The following EEA1 variants were observed in gnomAD, a reference collection of about 807,000 sequenced individuals.
EEA1 encodes the protein early endosome antigen 1, 162kD.
Under a neutral mutation model 209.2 loss-of-function variants are expected in EEA1, and 111 were observed. The ratio of observed to expected loss-of-function variants is 0.53; its 90% confidence interval spans 0.45 to 0.62. EEA1 has a LOEUF of 0.62. EEA1 is among the 20% of genes least tolerant of loss of function. The pLI is 0.00. For synonymous variants in EEA1, 536 were observed against 540.6 expected (o/e 0.99, Z 0.12); for missense variants, 1,343 against 1,530.8 (o/e 0.88, Z 2.05).
chr12:92,799,123 T>G (rs1430456207), intron 20 of EEA1, 37 bp from the exon 21 acceptor site: 1 of 1,506,382 alleles, frequency 6.6e-7, no homozygotes, highest in East Asian at 2.3e-5. Context: ...CCTTCATTTG[T>G]TCATTCAAAA....
chr12:92,897,573 T>A (rs1273335126), intron 1 of EEA1, among the ~76,000 whole-genome samples: 1 of 152,218 alleles, frequency 6.6e-6, no homozygotes, highest in Non-Finnish European at 1.5e-5. Context: ...TGTACTTTCG[T>A]TTCCAATAAA....
At chr12:92,928,321 G>A (rs775689959) in intron 1 of EEA1, among the ~76,000 whole-genome samples, 1 of 152,192 alleles carries the variant, frequency 6.6e-6, no homozygotes, top group Non-Finnish European at 1.5e-5. Context: ...TTCAGAGACA[G>A]CACAGGCAGA....
In EEA1 at chr12:92,771,529, TA is replaced by T. The variant is rs1258965948; in HGVS notation, c.*4481del. ...GAGGACAGTAACTATTGTTAATAGC[TA>T]AGAATAAATGAGGTGGAGGGGAGAA... On this transcript the variant is annotated 3_prime_UTR_variant, in exon 29 of 29. Transcript: ENST00000322349. 3 of 151,914 alleles carry T rather than the reference TA, an allele frequency of 2.0e-5. No homozygotes were observed. The highest frequency in any genetic ancestry group is 7.3e-5 in the African/African-American group (3 of 41,374). The allele number at this position is 151,914 out of a possible 1,614,324, so 9.4% of individuals were successfully genotyped here.
chr12:92,809,734 T>G (rs1471454902), intron 17 of EEA1, among the ~76,000 whole-genome samples: 1 of 151,742 alleles, frequency 6.6e-6, no homozygotes, highest in Non-Finnish European at 1.5e-5. Flanking sequence ...ACAATCAACT[T>G]AAAAGAAACA....
chr12:92,823,695 C>T (rs981886487), intron 13 of EEA1, among the ~76,000 whole-genome samples: 11 of 152,136 alleles, frequency 7.2e-5, no homozygotes, highest in Non-Finnish European at 5.9e-5. Context: ...TTCTGTATTC[C>T]TCCCCAGGGA....
At chr12:92,825,964 A>C (rs1876277393) in intron 13 of EEA1, among the ~76,000 whole-genome samples, 1 of 151,466 alleles carries the variant, frequency 6.6e-6, no homozygotes, top group Non-Finnish European at 1.5e-5. Context: ...TTTTCAACAT[A>C]GTAATCAAAA....
Position 92,852,196 on chromosome 12 carries a change from A to T in EEA1, c.621T>A (p.Ile207=), listed in dbSNP as rs1348668044. The T allele has an allele frequency of 3.2e-6, 5 of 1,586,916 alleles. No homozygotes were observed. The highest frequency in any genetic ancestry group is 4.3e-6 in the Non-Finnish European group (5 of 1,168,682). The change falls in exon 8 of 29, where the codon ATT becomes ATA. Residue 207 remains isoleucine, a synonymous_variant. Coordinates refer to ENST00000322349, the MANE Select transcript of EEA1 (RefSeq NM_003566.4). ...TEELNKEATV[I]QDLKTELLQR... is the part of the protein sequence containing the mutation. Reference sequence around the variant, plus strand: ...TTACCAGTTCCGTCTTCAGATCTTGAATTACAGTTGCCTCTTTGTTTAATT... The same window carrying T: ...TTACCAGTTCCGTCTTCAGATCTTGTATTACAGTTGCCTCTTTGTTTAATT...
At chr12:92,902,722 CAG>C (rs1403384447) in intron 1 of EEA1, among the ~76,000 whole-genome samples, 5 of 131,678 alleles carry the variant, frequency 3.8e-5, no homozygotes, top group Admixed American at 8.2e-5. Context: ...GCCTGGGCAA[CAG>C]GGCGAAATTC....
At chr12:92,854,491 T>C (rs1289737064) in intron 5 of EEA1, among the ~76,000 whole-genome samples, 2 of 152,234 alleles carry the variant, frequency 1.3e-5, no homozygotes, top group Non-Finnish European at 2.9e-5. Context: ...TCTTCAGTAG[T>C]ATTACATCAG....
chr12:92,911,861 A>C (rs1488098111), intron 1 of EEA1, among the ~76,000 whole-genome samples: 1 of 152,252 alleles, frequency 6.6e-6, no homozygotes, highest in East Asian at 1.9e-4. Context: ...AAATCAAAAG[A>C]AAACTAAGAA....
intron 1 of EEA1, among the ~76,000 whole-genome samples, chr12:92,900,534 T>C (rs1273605760): frequency 2.0e-5 from 3 of 152,030 alleles, no homozygotes; most frequent in Non-Finnish European, 2.9e-5. Context: ...AATAATATAA[T>C]TGAGACATGA....
At chr12:92,888,065 A>G (rs1330965065) in intron 2 of EEA1, among the ~76,000 whole-genome samples, 1 of 152,184 alleles carries the variant, frequency 6.6e-6, no homozygotes, top group Non-Finnish European at 1.5e-5. Flanking sequence ...AATAGAACCA[A>G]ATAGACTAAA....
chr12:92,780,470 G>T, intron 23 of EEA1, 59 bp from the exon 24 acceptor site: 1 of 1,230,444 alleles, frequency 8.1e-7, no homozygotes, highest in Non-Finnish European at 1.1e-6. Flanking sequence ...ATGAAAATGG[G>T]TGTAATAAAA....
chr12:92,906,535 G>A (rs1460257655), intron 1 of EEA1, among the ~76,000 whole-genome samples: 5 of 152,190 alleles, frequency 3.3e-5, no homozygotes, highest in Admixed American at 6.5e-5. Context: ...TTTAGGGGCC[G>A]GGTGCAGTGG....
chr12:92,905,698 T>C (rs1484878890), intron 1 of EEA1: 1 of 152,004 alleles, frequency 6.6e-6, no homozygotes, highest in African/African-American at 2.4e-5. Flanking sequence ...TAAAACCGCA[T>C]TAATCTCTGC....
chr12:92,850,415 T>A (rs1394561851), intron 9 of EEA1, among the ~76,000 whole-genome samples: 1 of 152,028 alleles, frequency 6.6e-6, no homozygotes, highest in Admixed American at 6.5e-5. Flanking sequence ...TATGGCCGGG[T>A]GCAGTGGCTC....
chr12:92,783,119 T>G (rs1445912369), intron 22 of EEA1, among the ~76,000 whole-genome samples: 1 of 152,194 alleles, frequency 6.6e-6, no homozygotes, highest in Non-Finnish European at 1.5e-5. Context: ...AAAGAGGGTG[T>G]CATGAAAACC....
Position 92,774,100 on chromosome 12 carries a change from C to T in EEA1, c.*1911G>A, listed in dbSNP as rs910747922. ...GCTGTGAATATCTGTGTTTTTCCAGCACACTTATTAAGTTATTTATATGTA... is the reference window on the plus strand; with the variant it reads ...GCTGTGAATATCTGTGTTTTTCCAGTACACTTATTAAGTTATTTATATGTA... On this transcript the variant is annotated 3_prime_UTR_variant, in exon 29 of 29. Transcript: ENST00000322349. 2.0e-5 allele frequency: 3 copies of T among 146,994 alleles called. No individual in the cohort carries two copies. Among genetic ancestry groups the T allele is most frequent in the African/African-American group, 7.5e-5 (3 of 40,098 alleles). The allele number at this position is 146,994 out of a possible 1,614,324, so 9.1% of individuals were successfully genotyped here. A position where few individuals can be genotyped will look rare whatever the true frequency, so the allele number is the denominator to read the frequency against.
In EEA1 at chr12:92,772,395, C is replaced by T. The variant is rs906717319; in HGVS notation, c.*3616G>A. Reference sequence around the variant, plus strand: ...GAAATTGAACAACATTAAAACACCACTGTCTATATCCAAGTGCAAAGTCCT... The same window carrying T: ...GAAATTGAACAACATTAAAACACCATTGTCTATATCCAAGTGCAAAGTCCT... On this transcript the variant is annotated 3_prime_UTR_variant, in exon 29 of 29. Coordinates refer to ENST00000322349, the MANE Select transcript of EEA1 (RefSeq NM_003566.4). 1.3e-5 allele frequency: 2 copies of T among 151,878 alleles called. No homozygotes were observed. Among genetic ancestry groups the T allele is most frequent in the African/African-American group, 2.4e-5 (1 of 41,414 alleles). The allele number at this position is 151,878 out of a possible 1,614,324, so 9.4% of individuals were successfully genotyped here.
Sources: allele counts gnomAD v4.1 joint callset (sites outside exome capture counted in the v4.1 genomes callset), GRCh38; gene constraint gnomAD v4.1.1; transcripts MANE v1.5; gene names NCBI Gene and HGNC (gene_info 2026-07-23, HGNC 2026-07-21).